The following FUOM variants were observed in gnomAD, a reference collection of about 807,000 sequenced individuals.
FUOM encodes the protein fucose mutarotase.
In FUOM, 19 loss-of-function variants were observed where a neutral mutation model predicts 18.3. The ratio of observed to expected loss-of-function variants is 1.04; its 90% CI spans 0.73 to 1.53. FUOM has a LOEUF of 1.53. FUOM is among the 40% of genes most tolerant of loss of function. The pLI is 0.00. For missense variants in FUOM, 210 were observed against 200.9 expected (o/e 1.04, Z -0.27); for synonymous variants, 102 against 87.9 (o/e 1.16, Z -0.90).
chr10:133,354,959 T>C (rs1037003739), downstream of FUOM, among the ~76,000 whole-genome samples: 1 of 151,648 alleles, frequency 6.6e-6, no homozygotes, highest in African/African-American at 2.4e-5. Flanking sequence ...TCCCCACCCC[T>C]CTCAAGGCCT....
chr10:133,355,912 G>T, intron 4 of FUOM, 101 bp from the exon 5 acceptor site: 1 of 979,112 alleles, frequency 1.0e-6, no homozygotes, highest in Non-Finnish European at 1.6e-6. Flanking sequence ...GCACCAGGAA[G>T]TGGGGTTCCA....
rs965235571 is a variant in FUOM, at chr10:133,355,600, C to A, written c.398+138G>T. On this transcript the variant is annotated intron_variant, in intron 5 of 5. Transcript: ENST00000278025. ...CCGAAATTCCTCCCTGGTCTCTCCA[C>A]TCTGTGGGACGTCTAGCCTCAGCCA... The A allele has an allele frequency of 4.2e-5, 66 of 1,584,774 alleles. No homozygotes were observed. The South Asian group carries it at 5.9e-4, about 14-fold the overall frequency.
At chr10:133,356,149 C>A (rs1240835067) in intron 4 of FUOM, among the ~76,000 whole-genome samples, 1 of 152,212 alleles carries the variant, frequency 6.6e-6, no homozygotes, top group Non-Finnish European at 1.5e-5. Context: ...TTATGGAGGC[C>A]CTGCTCAAGA....
At chr10:133,356,571 GCTC>G in intron 4 of FUOM, 66 bp downstream of exon 4, 1 of 1,249,114 alleles carries the variant, frequency 8.0e-7, no homozygotes, top group Non-Finnish European at 1.1e-6. Flanking sequence ...TCTGTCTTTG[GCTC>G]CTCCTGAGCC....
At chr10:133,355,970 G>A (rs2133416928) in intron 4 of FUOM, among the ~76,000 whole-genome samples, 159 bp from the exon 5 acceptor site, 1 of 152,330 alleles carries the variant, frequency 6.6e-6, no homozygotes, top group South Asian at 2.1e-4. Context: ...CTCAGCCTCT[G>A]GCTCCCAAGG....
At chr10:133,357,528 C>T in intron 1 of FUOM, 1 of 528,062 alleles carries the variant, frequency 1.9e-6, no homozygotes, top group East Asian at 3.4e-5. Context: ...GCCAGGGGGC[C>T]GACCCGGACC....
chr10:133,357,026 G>T lies in FUOM; in HGVS notation c.155-13C>A, dbSNP rs952201820. ...GGGATGCCCAGGCCTGGAGGGCAGAGGAGGCAGCACTCAGTCTCCAGCCCG... is the reference window on the plus strand; with the variant it reads ...GGGATGCCCAGGCCTGGAGGGCAGATGAGGCAGCACTCAGTCTCCAGCCCG... On this transcript the variant is annotated splice_polypyrimidine_tract_variant and intron_variant, in intron 2 of 5. Coordinates refer to ENST00000278025, the MANE Select transcript of FUOM (RefSeq NM_001098483.3). 9 of 1,549,666 alleles carry T rather than the reference G, an allele frequency of 5.8e-6. No homozygotes were observed. The East Asian group carries it at 2.2e-4, about 38-fold the overall frequency.
chr10:133,355,004 TGTCCCCAGGGCACCAGGCACCCCGCCCA>T (rs772236451), downstream of FUOM: 2 of 257,782 alleles, frequency 7.8e-6, no homozygotes, highest in Middle Eastern at 1.3e-3. Flanking sequence ...CAGCCCTTGG[TGTCCCCAGGGCACCAGGCACCCCGCCCA>T]GTCCCCAGGG....
chr10:133,356,540 T>TGAGGAC (rs1237378076), intron 4 of FUOM, 100 bp downstream of exon 4: 4 of 908,488 alleles, frequency 4.4e-6, no homozygotes, highest in African/African-American at 1.7e-5. Context: ...GGAGACCACT[T>TGAGGAC]GAGGACAGAG....
At chr10:133,357,091 A>T in intron 2 of FUOM, 78 bp from the exon 3 acceptor site, 2 of 1,539,772 alleles carry the variant, frequency 1.3e-6, no homozygotes, top group South Asian at 2.4e-5. Context: ...CACTGCAAGC[A>T]TGGACTTGGG....
chr10:133,356,050 G>A (rs758773180), intron 4 of FUOM, among the ~76,000 whole-genome samples: 10 of 152,196 alleles, frequency 6.6e-5, no homozygotes, highest in Non-Finnish European at 1.5e-4. Flanking sequence ...CCTGACCTGG[G>A]GCCACCCAGA....
downstream of FUOM, chr10:133,355,016 A>G (rs59130573): frequency 0.069 from 20,084 of 291,252 alleles, 2,158 homozygotes; most frequent in African/African-American, 0.29. Flanking sequence ...TCCCCAGGGC[A>G]CCAGGCACCC....
intron 4 of FUOM, 64 bp downstream of exon 4, chr10:133,356,576 T>A: frequency 7.7e-7 from 1 of 1,303,234 alleles, no homozygotes; most frequent in Non-Finnish European, 1.0e-6. Flanking sequence ...CTTTGGCTCC[T>A]CCTGAGCCTC....
At chr10:133,354,585 G>C (rs560432304), downstream of FUOM, among the ~76,000 whole-genome samples, 141 of 152,272 alleles carry the variant, frequency 9.3e-4, no homozygotes, top group Non-Finnish European at 1.7e-3. Context: ...GGAGCAAGAC[G>C]AGGGTCCGGA....
chr10:133,356,305 T>G (rs1848794347), intron 4 of FUOM, among the ~76,000 whole-genome samples: 1 of 152,188 alleles, frequency 6.6e-6, no homozygotes, highest in Non-Finnish European at 1.5e-5. Flanking sequence ...GGGGCACCCC[T>G]CCAGGGGAGA....
At chr10:133,352,931 G>A (rs1226253830), downstream of FUOM, among the ~76,000 whole-genome samples, 1 of 152,202 alleles carries the variant, frequency 6.6e-6, no homozygotes. Flanking sequence ...AGAATCAAGG[G>A]CTGCACAAGG....
chr10:133,357,978 C>T lies in FUOM; in HGVS notation c.30G>A (p.Leu10=). The change falls in exon 1 of 6, where the codon CTG becomes CTA. Residue 10 remains leucine (L), a synonymous_variant. Transcript: ENST00000278025. MVALKGVPA[L]LSPELLYALA... The stretch of plus-strand genomic sequence containing the variant: ...GCGCGTAGAGCAGCTCGGGGGACAG[C>T]AGTGCGGGGACACCCTTCAGCGCCA... 2 of 1,519,690 alleles carry T rather than the reference C, an allele frequency of 1.3e-6. No individual in the cohort carries two copies. The highest frequency in any genetic ancestry group is 8.8e-7 in the Non-Finnish European group (1 of 1,138,188). The allele number at this position is 1,519,690 out of a possible 1,614,324, so 94.1% of individuals were successfully genotyped here. A position where few individuals can be genotyped will look rare whatever the true frequency, so the allele number is the denominator to read the frequency against.
At chr10:133,356,762 G>A in intron 3 of FUOM, 24 bp from the exon 4 acceptor site, 1 of 1,532,544 alleles carries the variant, frequency 6.5e-7, no homozygotes, top group Admixed American at 2.0e-5. Context: ...TCAGCTCTGG[G>A]GCCCTGGGCA....
intron 3 of FUOM, 72 bp downstream of exon 3, chr10:133,356,871 G>T: frequency 6.7e-7 from 1 of 1,498,614 alleles, no homozygotes; most frequent in Non-Finnish European, 9.1e-7. Flanking sequence ...AAGGCAGGTG[G>T]GCCCTATGAA....
Sources: gnomAD v4.1 joint callset for allele counts (sites outside exome capture counted in the v4.1 genomes callset) on GRCh38, gnomAD v4.1.1 for gene constraint, MANE v1.5 for transcripts, NCBI Gene and HGNC (gene_info 2026-07-23, HGNC 2026-07-21) for gene names.